Variants in RAD50 observed in about 807,000 individuals in gnomAD.
RAD50 encodes the protein DNA repair protein RAD50.
A neutral mutation model predicts 168.8 loss-of-function variants in RAD50; 132 were observed. The ratio of observed to expected loss-of-function variants is 0.78; its 90% CI spans 0.68 to 0.90. The LOEUF is 0.90. Among genes scored for constraint, RAD50 ranks in the 40% least tolerant of loss-of-function variants. The pLI, the probability that RAD50 is intolerant of heterozygous loss-of-function variation, is 0.00. For synonymous variants in RAD50, 525 were observed against 497.4 expected (o/e 1.06, Z -0.74); for missense variants, 1,347 against 1,534.4 (o/e 0.88, Z 2.04).
Position 132,591,918 on chromosome 5 carries a change from C to G in RAD50, c.1677C>G (p.His559Gln), listed in dbSNP as rs142619269. The change falls in exon 11 of 25, where the codon CAC (histidine) becomes CAG (glutamine). Residue 559 changes from histidine (H) to glutamine (Q), a missense_variant. By Grantham distance (24) the His-to-Gln change is conservative. Coordinates refer to ENST00000378823, the MANE Select transcript of RAD50 (RefSeq NM_005732.4). Reference sequence around the variant, plus strand: ...AAATCAGAAAAATAAAATCTAGGCACAGTGATGAATTAACCTCACTGTTGG... The same window carrying G: ...AAATCAGAAAAATAAAATCTAGGCAGAGTGATGAATTAACCTCACTGTTGG... ...DEQIRKIKSRHSDELTSLLGY... is the reference protein window; with the variant it reads ...DEQIRKIKSRQSDELTSLLGY... 12 of 1,608,704 alleles carry G rather than the reference C, an allele frequency of 7.5e-6. No individual in the cohort carries two copies. The Middle Eastern group carries it at 1.3e-3, about 179-fold the overall frequency.
chr5:132,557,963 T>G (rs781540662), intron 1 of RAD50, among the ~76,000 whole-genome samples: 10 of 151,694 alleles, frequency 6.6e-5, no homozygotes, highest in Non-Finnish European at 1.5e-4. Context: ...AAAACTTCTC[T>G]TCTTAAAACT....
rs1751756281 is a variant in RAD50 at position 132,642,696 on chromosome 5, G to A, written c.*332G>A. 1 of 418,354 alleles carries A rather than the reference G, an allele frequency of 2.4e-6. No homozygotes were observed. Among genetic ancestry groups the A allele is most frequent in the African/African-American group, 2.0e-5 (1 of 50,616 alleles). The allele number at this position is 418,354 out of a possible 1,614,324, so 25.9% of individuals were successfully genotyped here. Reference sequence around the variant, plus strand: ...CTTCTCAAAGCACTGTTGAGAAGGAGATAATTACTGCCTTGAAAATTTATG... The same window carrying A: ...CTTCTCAAAGCACTGTTGAGAAGGAAATAATTACTGCCTTGAAAATTTATG... On this transcript the variant is annotated 3_prime_UTR_variant, in exon 25 of 25. Transcript: ENST00000378823.
At chr5:132,579,097 T>C (rs1036677249) in intron 3 of RAD50, among the ~76,000 whole-genome samples, 2 of 152,208 alleles carry the variant, frequency 1.3e-5, no homozygotes, top group Non-Finnish European at 2.9e-5. Context: ...AAATTCTGGC[T>C]TCCTTTCCTG....
chr5:132,594,961 T>C lies in RAD50; in HGVS notation c.1886T>C (p.Leu629Pro). Residue 629 changes from leucine (L) to proline (P), a missense_variant, in exon 12 of 25, where the codon CTG becomes CCG. By Grantham distance (98) the Leu-to-Pro change is moderately conservative (BLOSUM62 -3). Coordinates refer to ENST00000378823, the MANE Select transcript of RAD50 (RefSeq NM_005732.4). ...CAGTTGTCCAGTTACGAAGACAAGC[T>C]GTTTGATGTTTGTGGTAGCCAGGAT... The part of the protein sequence containing the change: ...EEQLSSYEDK[L>P]FDVCGSQDFE... The C allele has an allele frequency of 6.2e-7, 1 of 1,612,172 alleles. No individual in the cohort carries two copies. The highest frequency in any genetic ancestry group is 1.7e-4 in the Middle Eastern group (1 of 6,056).
At chr5:132,637,607 G>A (rs962942908) in intron 22 of RAD50, among the ~76,000 whole-genome samples, 9 of 150,536 alleles carry the variant, frequency 6.0e-5, no homozygotes, top group African/African-American at 1.5e-4. Context: ...TTGGCTCACT[G>A]CAACCTCCAC....
intron 19 of RAD50, among the ~76,000 whole-genome samples, chr5:132,615,295 A>G (rs887261118): frequency 1.3e-5 from 2 of 152,226 alleles, no homozygotes; most frequent in African/African-American, 4.8e-5. Flanking sequence ...TTGAAGGACA[A>G]AACTACTCAA....
chr5:132,581,480 A>G (rs1750503920), intron 5 of RAD50, among the ~76,000 whole-genome samples: 1 of 152,218 alleles, frequency 6.6e-6, no homozygotes, highest in South Asian at 2.1e-4. Context: ...TAAAAAAGTT[A>G]TAAAAGGATA....
Position 132,642,415 on chromosome 5 carries a change from T to C in RAD50, c.*51T>C. The stretch of plus-strand genomic sequence containing the variant: ...GAAATGTAGGTCCTCAGAAAGTGTA[T>C]AATAAGAAACTTATTTCTCATATCA... On this transcript the variant is annotated 3_prime_UTR_variant, in exon 25 of 25. Coordinates refer to ENST00000378823, the MANE Select transcript of RAD50 (RefSeq NM_005732.4). 6.7e-7 allele frequency: 1 copy of C among 1,488,974 alleles called. No homozygotes were observed. The highest frequency in any genetic ancestry group is 9.3e-7 in the Non-Finnish European group (1 of 1,075,660). The allele number at this position is 1,488,974 out of a possible 1,614,324, so 92.2% of individuals were successfully genotyped here.
At chr5:132,582,753 C>T (rs1411170311) in intron 5 of RAD50, among the ~76,000 whole-genome samples, 1 of 151,638 alleles carries the variant, frequency 6.6e-6, no homozygotes, top group Non-Finnish European at 1.5e-5. Context: ...TTTTTTTTAT[C>T]TCATTTCACA....
chr5:132,598,618 G>C (rs1365963101), intron 13 of RAD50, among the ~76,000 whole-genome samples: 1 of 152,156 alleles, frequency 6.6e-6, no homozygotes, highest in Non-Finnish European at 1.5e-5. Flanking sequence ...GCATAACCGA[G>C]CTGGATGTTC....
At chr5:132,614,141 A>G (rs1316918332) in intron 19 of RAD50, among the ~76,000 whole-genome samples, 1 of 152,200 alleles carries the variant, frequency 6.6e-6, no homozygotes, top group Non-Finnish European at 1.5e-5. Context: ...TCTGGTAACA[A>G]TGCAGGTAGA....
chr5:132,565,029 G>A (rs1048131484), intron 2 of RAD50, among the ~76,000 whole-genome samples: 49 of 152,064 alleles, frequency 3.2e-4, no homozygotes, highest in African/African-American at 1.0e-3. Context: ...TGGTTGGGGT[G>A]ATTGGATCAT....
intron 2 of RAD50, among the ~76,000 whole-genome samples, chr5:132,574,909 A>G (rs753506734): frequency 1.3e-5 from 2 of 152,150 alleles, no homozygotes; most frequent in African/African-American, 4.8e-5. Flanking sequence ...CTCAACCTGG[A>G]TTTCATTGTC....
chr5:132,619,871 GATATAT>G (rs1265698606), intron 21 of RAD50, among the ~76,000 whole-genome samples: 8 of 84,916 alleles, frequency 9.4e-5, no homozygotes, highest in African/African-American at 2.1e-4. Context: ...TATATATAAA[GATATAT>G]ATATATATAG....
chr5:132,577,576 C>G (rs1750420988), intron 3 of RAD50, among the ~76,000 whole-genome samples: 1 of 152,108 alleles, frequency 6.6e-6, no homozygotes, highest in Non-Finnish European at 1.5e-5. Flanking sequence ...TCTATCACAG[C>G]TACATACTAC....
intron 5 of RAD50, among the ~76,000 whole-genome samples, chr5:132,581,096 A>T (rs1750496518): frequency 6.6e-6 from 1 of 151,810 alleles, no homozygotes; most frequent in Non-Finnish European, 1.5e-5. Context: ...ACATGTTTGT[A>T]TTTATTTATT....
At chr5:132,632,781 C>G (rs1751499621) in intron 21 of RAD50, among the ~76,000 whole-genome samples, 1 of 152,164 alleles carries the variant, frequency 6.6e-6, no homozygotes, top group African/African-American at 2.4e-5. Flanking sequence ...TAGAAAATTT[C>G]CACCAATAGT....
chr5:132,577,041 A>G (rs891319131), intron 3 of RAD50, among the ~76,000 whole-genome samples: 8 of 152,264 alleles, frequency 5.3e-5, no homozygotes, highest in Admixed American at 3.3e-4. Context: ...CAAATTTATT[A>G]TCTTACACTT....
chr5:132,581,261 G>A (rs2706355), intron 5 of RAD50, among the ~76,000 whole-genome samples: 4,244 of 148,234 alleles, frequency 0.029, 210 homozygotes, highest in African/African-American at 0.11. Flanking sequence ...CACCACGCCC[G>A]GCTAAATAAA....
Sources: gnomAD v4.1 joint callset for allele counts (sites outside exome capture counted in the v4.1 genomes callset) on GRCh38, gnomAD v4.1.1 for gene constraint, MANE v1.5 for transcripts, NCBI Gene and HGNC (gene_info 2026-07-23, HGNC 2026-07-21) for gene names.